The following CACNA2D3 variants were observed in gnomAD, a reference collection of about 807,000 sequenced individuals.
CACNA2D3 encodes the protein calcium voltage-gated channel auxiliary subunit alpha2delta 3.
CACNA2D3 carries 60 observed loss-of-function variants against 160.6 expected under a neutral mutation model. The ratio of observed to expected loss-of-function variants is 0.37; its 90% confidence interval spans 0.30 to 0.46. The LOEUF is 0.46. CACNA2D3 is among the 20% of genes least tolerant of loss of function. The pLI is 1.00. For missense variants in CACNA2D3, 1,205 were observed against 1,365.0 expected, an observed-to-expected ratio of 0.88 and a Z score of 1.85; for synonymous variants, 558 against 492.9, an observed-to-expected ratio of 1.13 and a Z score of -1.75.
At chr3:54,181,767 A>G (rs1259662390) in intron 2 of CACNA2D3, among the ~76,000 whole-genome samples, 1 of 152,142 alleles carries the variant, frequency 6.6e-6, no homozygotes, top group East Asian at 1.9e-4. Flanking sequence ...TGAAGAAGTA[A>G]TGGGTCACTG....
At chr3:54,345,529 A>G (rs1449389879) in intron 3 of CACNA2D3, among the ~76,000 whole-genome samples, 1 of 152,190 alleles carries the variant, frequency 6.6e-6, no homozygotes, top group Non-Finnish European at 1.5e-5. Context: ...ATGACCTGCA[A>G]GGCTTTCATC....
chr3:54,571,796 A>G (rs1315517510), intron 8 of CACNA2D3, among the ~76,000 whole-genome samples: 1 of 152,120 alleles, frequency 6.6e-6, no homozygotes, highest in Admixed American at 6.6e-5. Flanking sequence ...TTTGAATCCC[A>G]TTCACCACAT....
chr3:54,353,092 T>A (rs1698592278), intron 3 of CACNA2D3, among the ~76,000 whole-genome samples: 1 of 152,220 alleles, frequency 6.6e-6, no homozygotes, highest in Admixed American at 6.5e-5. Flanking sequence ...AAATAATAGA[T>A]CTTACCCATT....
intron 3 of CACNA2D3, among the ~76,000 whole-genome samples, chr3:54,328,482 A>G (rs1261774650): frequency 1.3e-5 from 2 of 151,780 alleles, no homozygotes; most frequent in Non-Finnish European, 2.9e-5. Context: ...GGATTTCACC[A>G]TGTTGGCCGG....
intron 11 of CACNA2D3, among the ~76,000 whole-genome samples, chr3:54,712,944 T>G (rs1055499851): frequency 6.6e-6 from 1 of 152,154 alleles, no homozygotes; most frequent in Non-Finnish European, 1.5e-5. Context: ...TTCCCCTTTG[T>G]CATATAACAT....
chr3:54,520,332 T>A (rs1257879863), intron 5 of CACNA2D3, among the ~76,000 whole-genome samples: 1 of 152,140 alleles, frequency 6.6e-6, no homozygotes, highest in Non-Finnish European at 1.5e-5. Context: ...GGAGGCTGGC[T>A]TTAGTGTTTA....
chr3:54,515,335 A>G (rs1030728014), intron 5 of CACNA2D3, among the ~76,000 whole-genome samples: 3 of 152,176 alleles, frequency 2.0e-5, no homozygotes, highest in African/African-American at 4.8e-5. Context: ...TGAATATTTT[A>G]TGAGGAACAT....
chr3:54,327,600 C>A (rs1408260830), intron 3 of CACNA2D3, among the ~76,000 whole-genome samples: 1 of 152,132 alleles, frequency 6.6e-6, no homozygotes, highest in Non-Finnish European at 1.5e-5. Context: ...TGTAGAAGCA[C>A]CCATGTGTTT....
rs373858528 is a variant in CACNA2D3 at position 54,789,815 on chromosome 3, A to T, written c.1380+25464A>T. Reference sequence around the variant, plus strand: ...TGAGGCCAGTTTGGCTCACATCTAAAGTGAGCCCGAGCTTAAAATGAGCTG... The same window carrying T: ...TGAGGCCAGTTTGGCTCACATCTAATGTGAGCCCGAGCTTAAAATGAGCTG... On this transcript the variant is annotated intron_variant, in intron 13 of 37. Transcript: ENST00000474759. The T allele has an allele frequency of 2.9e-5, 15 of 512,002 alleles. No individual in the cohort carries two copies. The Middle Eastern group carries it at 9.5e-4, about 32-fold the overall frequency. The allele number at this position is 512,002 out of a possible 1,614,324, so 31.7% of individuals were successfully genotyped here. A position where few individuals can be genotyped will look rare whatever the true frequency, so the allele number is the denominator to read the frequency against.
At chr3:54,984,699 GT>G in intron 30 of CACNA2D3, 29 bp downstream of exon 30, 1 of 1,421,038 alleles carries the variant, frequency 7.0e-7, no homozygotes, top group Non-Finnish European at 9.7e-7. Context: ...CCAGCTCCAA[GT>G]AAGGATCTCA....
intron 4 of CACNA2D3, among the ~76,000 whole-genome samples, chr3:54,454,790 T>C (rs753004276): frequency 9.9e-5 from 15 of 152,112 alleles, no homozygotes; most frequent in Non-Finnish European, 1.8e-4. Context: ...TATTCTACTC[T>C]CTGCTTATAT....
At chr3:54,973,419 G>A (rs1702317666) in intron 29 of CACNA2D3, among the ~76,000 whole-genome samples, 1 of 152,170 alleles carries the variant, frequency 6.6e-6, no homozygotes. Flanking sequence ...TCCTACTGAG[G>A]CATTGGAAGA....
rs909502118 is a variant in CACNA2D3 at position 54,320,422 on chromosome 3, G to C, written c.205-20G>C. 1.3e-5 allele frequency: 17 copies of C among 1,290,126 alleles called. No homozygotes were observed. The highest frequency in any genetic ancestry group is 1.9e-5 in the Non-Finnish European group (17 of 915,350). 79.9% of individuals were successfully genotyped at this position (1,290,126 alleles called of 1,614,324 possible). A position where few individuals can be genotyped will look rare whatever the true frequency, so the allele number is the denominator to read the frequency against. On this transcript the variant is annotated intron_variant, in intron 2 of 37. Coordinates refer to ENST00000474759, the MANE Select transcript of CACNA2D3 (RefSeq NM_018398.3). ...TTTTACGGTGTCATGTGTCTTGAATGTTGCCCTCTCTTCTTACAGAAATAC... is the reference window on the plus strand; with the variant it reads ...TTTTACGGTGTCATGTGTCTTGAATCTTGCCCTCTCTTCTTACAGAAATAC...
At chr3:54,896,203 G>T (rs967316708) in intron 25 of CACNA2D3, among the ~76,000 whole-genome samples, 1 of 151,912 alleles carries the variant, frequency 6.6e-6, no homozygotes, top group African/African-American at 2.4e-5. Flanking sequence ...ATGCACACAG[G>T]GGGCATGAGC....
At chr3:54,690,098 A>G (rs947094506) in intron 11 of CACNA2D3, among the ~76,000 whole-genome samples, 1 of 151,560 alleles carries the variant, frequency 6.6e-6, no homozygotes, top group Non-Finnish European at 1.5e-5. Flanking sequence ...ACATCCAACT[A>G]TCTCATCTCC....
chr3:54,506,815 C>A (rs928606290), intron 5 of CACNA2D3, among the ~76,000 whole-genome samples: 1 of 152,138 alleles, frequency 6.6e-6, no homozygotes, highest in Non-Finnish European at 1.5e-5. Context: ...TGGCTGATAC[C>A]TTTAGAGCCG....
In CACNA2D3 at chr3:54,726,280, A is replaced by G. The variant is rs551786779; in HGVS notation, c.1168-26319A>G. Among the ~76,000 whole-genome samples the G allele has an allele frequency of 2.1e-4, 32 of 152,284 alleles. No individual in the cohort carries two copies. In the Middle Eastern group the frequency reaches 0.01, roughly 49 times the overall value. On this transcript the variant is annotated intron_variant, in intron 11 of 37. Coordinates refer to ENST00000474759, the MANE Select transcript of CACNA2D3 (RefSeq NM_018398.3). The stretch of plus-strand genomic sequence containing the variant: ...TCAGAGAGGACACAAACAAATGGAA[A>G]AATATTCCATGCTCATGGTTAGGAA...
chr3:54,212,352 G>A (rs1701390875), intron 2 of CACNA2D3, among the ~76,000 whole-genome samples: 1 of 152,150 alleles, frequency 6.6e-6, no homozygotes, highest in African/African-American at 2.4e-5. Context: ...GGTGGCAGGA[G>A]GGAGCTTCCA....
At chr3:54,967,706 G>C (rs1702183132) in intron 27 of CACNA2D3, among the ~76,000 whole-genome samples, 3 of 152,134 alleles carry the variant, frequency 2.0e-5, no homozygotes, top group Admixed American at 2.0e-4. Flanking sequence ...CTTTCAAGTG[G>C]TTTGGGCTTC....
Sources: allele counts gnomAD v4.1 joint callset (sites outside exome capture counted in the v4.1 genomes callset), GRCh38; gene constraint gnomAD v4.1.1; transcripts MANE v1.5; gene names NCBI Gene and HGNC (gene_info 2026-07-23, HGNC 2026-07-21).